The following FUCA2 variants were observed in gnomAD, a reference collection of about 807,000 sequenced individuals.
FUCA2 encodes alpha-L-fucosidase 2, also known as plasma alpha-L-fucosidase.
FUCA2 carries 41 observed loss-of-function variants against 52.6 expected under a neutral mutation model. That is an observed-to-expected ratio of 0.78 (90% confidence interval 0.61 to 1.01). The LOEUF is 1.01. FUCA2 is among the 50% of genes least tolerant of loss of function. The probability of loss-of-function intolerance (pLI) is 0.00; values close to 1 mark genes in which losing one functional copy is unlikely to be tolerated. For synonymous variants in FUCA2, 211 were observed against 217.3 expected, an observed-to-expected ratio of 0.97 and a Z score of 0.26; for missense variants, 507 against 569.5, an observed-to-expected ratio of 0.89 and a Z score of 1.12.
intron 6 of FUCA2, among the ~76,000 whole-genome samples, 193 bp from the exon 7 acceptor site, chr6:143,496,040 A>G (rs570469326): frequency 1.2e-4 from 19 of 152,204 alleles, no homozygotes; most frequent in African/African-American, 3.6e-4. Context: ...TCTTGCTTCT[A>G]TTTTACTCTC....
At position 143,502,122 on chromosome 6, in the gene FUCA2, G is replaced by A; in HGVS notation, c.964C>T (p.Gln322Ter). 1 of 1,586,554 alleles carries A rather than the reference G, an allele frequency of 6.3e-7. No homozygotes were observed. ...DYLTIEELVK[Q>*]LVETVSCGGN... ...CCACATGAAACTGTCTCTACAAGTT[G>A]CTAAAAAATTAAGAATAATGTTTTT... The change falls in exon 5 of 7, where the codon CAA (glutamine) becomes TAA (stop). Residue 322 changes from glutamine to a stop codon, truncating the protein, a stop_gained and splice_region_variant. Transcript: ENST00000002165. LOFTEE classifies it high-confidence loss of function. This position sits in a 1 kb window ranked among gnomAD's most constrained non-coding sequence, Gnocchi z 4.1.
rs1780450107 is a variant in FUCA2 at position 143,495,752 on chromosome 6, C to T, written c.1359G>A (p.Met453Ile). 3 of 1,614,116 alleles carry T rather than the reference C, an allele frequency of 1.9e-6. No individual in the cohort carries two copies. The highest frequency in any genetic ancestry group is 2.2e-5 in the East Asian group (1 of 44,876). The change falls in exon 7 of 7, where the codon ATG becomes ATA. Residue 453 changes from methionine (M) to isoleucine (I), a missense_variant. By Grantham distance (10) the Met-to-Ile change is conservative (BLOSUM62 1). Transcript: ENST00000002165. This position sits in a 1 kb window ranked among gnomAD's most constrained non-coding sequence, Gnocchi z 5.2. ...VELPQLTIHQMPCKWGWALAL... is the reference protein window; with the variant it reads ...VELPQLTIHQIPCKWGWALAL... ...CTAGAGCCCAGCCCCATTTACACGGCATCTGATGAATGGTTAGCTGTGGCA... is the reference window on the plus strand; with the variant it reads ...CTAGAGCCCAGCCCCATTTACACGGTATCTGATGAATGGTTAGCTGTGGCA...
rs777129921 is a variant in FUCA2, at chr6:143,495,872, A to T, written c.1264-25T>A. On this transcript the variant is annotated intron_variant, in intron 6 of 6. Transcript: ENST00000002165. The surrounding 1 kb of genome is among the most constrained non-coding windows in gnomAD (Gnocchi z 5.2). The stretch of plus-strand genomic sequence containing the variant: ...CCTGAAATTAAAAACATACATGCAA[A>T]TGTCTCCAAATTTATCTCTTTATCT... 1.9e-6 allele frequency: 3 copies of T among 1,609,602 alleles called. No homozygotes were observed. The African/African-American group carries it at 4.0e-5, about 22-fold the overall frequency.
rs1320858799 is a variant in FUCA2 at position 143,499,753 on chromosome 6, T to C, written c.1154+2179A>G. Among the ~76,000 whole-genome samples, 1 of 152,104 alleles carries C rather than the reference T, an allele frequency of 6.6e-6. No individual in the cohort carries two copies. The highest frequency in any genetic ancestry group is 1.5e-5 in the Non-Finnish European group (1 of 68,022). ...ACTGGAACTGGCAAGGCAGATGTTATTGTGGGCCTTGAGAAGAGCAATTCT... is the reference window on the plus strand; with the variant it reads ...ACTGGAACTGGCAAGGCAGATGTTACTGTGGGCCTTGAGAAGAGCAATTCT... On this transcript the variant is annotated intron_variant, in intron 5 of 6. Coordinates refer to ENST00000002165, the MANE Select transcript of FUCA2 (RefSeq NM_032020.5). The surrounding 1 kb of genome is among the most constrained non-coding windows in gnomAD (Gnocchi z 6.0).
Position 143,504,916 on chromosome 6 carries a change from A to C in FUCA2, c.413-664T>G, listed in dbSNP as rs911052608. On this transcript the variant is annotated intron_variant, in intron 2 of 6. Coordinates refer to ENST00000002165, the MANE Select transcript of FUCA2 (RefSeq NM_032020.5). This position sits in a 1 kb window ranked among gnomAD's most constrained non-coding sequence, Gnocchi z 4.4. ...ACTTTAAAATATACTCACCACGTGTAATCTCATCCTACTATAAAATCATAA... is the reference window on the plus strand; with the variant it reads ...ACTTTAAAATATACTCACCACGTGTCATCTCATCCTACTATAAAATCATAA... The C allele has an allele frequency of 1.3e-5, 2 of 152,214 alleles. No individual in the cohort carries two copies. The highest frequency in any genetic ancestry group is 1.5e-5 in the Non-Finnish European group (1 of 68,046). 9.4% of individuals were successfully genotyped at this position (152,214 alleles called of 1,614,324 possible).
chr6:143,506,146 C>T (rs1043828728), intron 2 of FUCA2: 13 of 150,888 alleles, frequency 8.6e-5, no homozygotes, highest in Non-Finnish European at 1.8e-4. Context: ...TTCTCCTCTC[C>T]TATTCCCATC....
Position 143,504,036 on chromosome 6 carries a change from A to C in FUCA2, c.629T>G (p.Leu210Trp), listed in dbSNP as rs1173817821. 3 of 1,614,150 alleles carry C rather than the reference A, an allele frequency of 1.9e-6. No homozygotes were observed. The highest frequency in any genetic ancestry group is 1.3e-5 in the African/African-American group (1 of 75,046). ...HKRQFPVSKTLPELYELVNNY... is the reference protein window; with the variant it reads ...HKRQFPVSKTWPELYELVNNY... ...GTTCACTAACTCATAGAGCTCTGGC[A>C]ATGTCTTAGAAACTGGAAATTGCCG... Residue 210 changes from leucine (L) to tryptophan (W), a missense_variant, in exon 3 of 7, where the codon TTG becomes TGG. Leu to Trp is a moderately conservative substitution (Grantham distance 61). Transcript: ENST00000002165. The surrounding 1 kb of genome is among the most constrained non-coding windows in gnomAD (Gnocchi z 4.4).
At position 143,500,779 on chromosome 6, in the gene FUCA2, G is replaced by A. The variant is rs1057416178; in HGVS notation, c.1154+1153C>T. Among the ~76,000 whole-genome samples, 4 of 152,132 alleles carry A rather than the reference G, an allele frequency of 2.6e-5. No homozygotes were observed. The highest frequency in any genetic ancestry group is 6.5e-5 in the Admixed American group (1 of 15,278). Reference sequence around the variant, plus strand: ...TAAGAATTATGTGAAGAGTAGTTCTGGGGACAGGGACAGCAAGCCAGGGCT... The same window carrying A: ...TAAGAATTATGTGAAGAGTAGTTCTAGGGACAGGGACAGCAAGCCAGGGCT... On this transcript the variant is annotated intron_variant, in intron 5 of 6. Coordinates refer to ENST00000002165, the MANE Select transcript of FUCA2 (RefSeq NM_032020.5). This position sits in a 1 kb window ranked among gnomAD's most constrained non-coding sequence, Gnocchi z 6.9.
In FUCA2 at chr6:143,504,184, T is replaced by C; in HGVS notation, c.481A>G (p.Ile161Val). Residue 161 changes from isoleucine to valine, a missense_variant, in exon 3 of 7, where the codon ATT becomes GTT. By Grantham distance (29) the Ile-to-Val change is conservative. Coordinates refer to ENST00000002165, the MANE Select transcript of FUCA2 (RefSeq NM_032020.5). The surrounding 1 kb of genome is among the most constrained non-coding windows in gnomAD (Gnocchi z 4.4). Reference sequence around the variant, plus strand: ...ATGGCTACCTCAAGTTCCTTGACAATGTCCCTCTTGGGCCCCTCATCTATG... The same window carrying C: ...ATGGCTACCTCAAGTTCCTTGACAACGTCCCTCTTGGGCCCCTCATCTATG... Reference protein sequence around the residue: ...NAIDEGPKRDIVKELEVAIRN... With the variant: ...NAIDEGPKRDVVKELEVAIRN... The C allele has an allele frequency of 6.2e-7, 1 of 1,614,220 alleles. No homozygotes were observed.
rs765109071 is a variant in FUCA2 at position 143,495,685 on chromosome 6, G to T, written c.*22C>A. 8.1e-6 allele frequency: 13 copies of T among 1,603,508 alleles called. No individual in the cohort carries two copies. Among genetic ancestry groups the T allele is most frequent in the Middle Eastern group, 1.7e-4 (1 of 6,016 alleles). ...TTCCTAGCCTTAGACATAACTTGCA[G>T]CATCAGCCACTCTGCTGCACTTTAG... On this transcript the variant is annotated 3_prime_UTR_variant, in exon 7 of 7. Transcript: ENST00000002165. This position sits in a 1 kb window ranked among gnomAD's most constrained non-coding sequence, Gnocchi z 5.2.
In FUCA2 at chr6:143,497,619, G is replaced by A. The variant is rs543571091; in HGVS notation, c.1155-122C>T. On this transcript the variant is annotated intron_variant, in intron 5 of 6. Coordinates refer to ENST00000002165, the MANE Select transcript of FUCA2 (RefSeq NM_032020.5). This position sits in a 1 kb window ranked among gnomAD's most constrained non-coding sequence, Gnocchi z 5.3. ...TACTTCCACAATGTCACCACTAATA[G>A]AAGGGAAGGAAAAATAGCCTCATGG... 181 of 572,436 alleles carry A rather than the reference G, an allele frequency of 3.2e-4. No individual in the cohort carries two copies. Among genetic ancestry groups the A allele is most frequent in the African/African-American group, 3.1e-3 (164 of 52,648 alleles). The allele number at this position is 572,436 out of a possible 1,614,324, so 35.5% of individuals were successfully genotyped here.
At position 143,507,533 on chromosome 6, in the gene FUCA2, C is replaced by A. The variant is rs1458590820; in HGVS notation, c.225-109G>T. On this transcript the variant is annotated intron_variant, in intron 1 of 6. Transcript: ENST00000002165. The surrounding 1 kb of genome is among the most constrained non-coding windows in gnomAD (Gnocchi z 4.5). ...CCCTCACACAGATAGGACCCAGATT[C>A]TCTTTCTCACTTCCCCATTAGTTTG... is the stretch of plus-strand genomic sequence containing the variant. The A allele has an allele frequency of 5.5e-6, 4 of 730,696 alleles. No individual in the cohort carries two copies. In the East Asian group the frequency reaches 8.9e-5, roughly 16 times the overall value. The allele number at this position is 730,696 out of a possible 1,614,324, so 45.3% of individuals were successfully genotyped here.
In FUCA2 at chr6:143,495,007, G is replaced by A. The variant is rs1001245711; in HGVS notation, c.*700C>T. 1 of 152,648 alleles carries A rather than the reference G, an allele frequency of 6.6e-6. No homozygotes were observed. Among genetic ancestry groups the A allele is most frequent in the Non-Finnish European group, 1.5e-5 (1 of 68,212 alleles). 9.5% of individuals were successfully genotyped at this position (152,648 alleles called of 1,614,324 possible). ...ATAAAGTCTGGCAGTGTTCAATAAT[G>A]TCCTAGGCCTTCACATTCACTCACT... is the stretch of plus-strand genomic sequence containing the variant. On this transcript the variant is annotated 3_prime_UTR_variant, in exon 7 of 7. Transcript: ENST00000002165. This position sits in a 1 kb window ranked among gnomAD's most constrained non-coding sequence, Gnocchi z 5.2.
At chr6:143,498,277 C>G (rs1780488599) in intron 5 of FUCA2, among the ~76,000 whole-genome samples, 1 of 56,060 alleles carries the variant, frequency 1.8e-5, no homozygotes, top group African/African-American at 8.6e-5. Flanking sequence ...CAACATTGAA[C>G]AAAGTCCTTG....
Position 143,504,040 on chromosome 6 carries a change from T to G in FUCA2, c.625A>C (p.Thr209Pro), listed in dbSNP as rs146459677. The part of the protein sequence containing the change: ...FHKRQFPVSK[T>P]LPELYELVNN... ...ACTAACTCATAGAGCTCTGGCAATG[T>G]CTTAGAAACTGGAAATTGCCGCTTA... The change falls in exon 3 of 7, where the codon ACA becomes CCA. Residue 209 changes from threonine (T) to proline (P), a missense_variant. Thr to Pro is a conservative substitution (Grantham distance 38). Coordinates refer to ENST00000002165, the MANE Select transcript of FUCA2 (RefSeq NM_032020.5). The surrounding 1 kb of genome is among the most constrained non-coding windows in gnomAD (Gnocchi z 4.4). 1.2e-6 allele frequency: 2 copies of G among 1,614,016 alleles called. No homozygotes were observed. The highest frequency in any genetic ancestry group is 1.7e-6 in the Non-Finnish European group (2 of 1,180,026).
Position 143,511,493 on chromosome 6 carries a change from C to G in FUCA2, c.142G>C (p.Ala48Pro). 1 of 1,604,576 alleles carries G rather than the reference C, an allele frequency of 6.2e-7. No individual in the cohort carries two copies. Among genetic ancestry groups the G allele is most frequent in the African/African-American group, 1.3e-5 (1 of 74,860 alleles). Reference sequence around the variant, plus strand: ...CCGAACTTGGCCTGGTCAAACCACGCGGGCAGCTGGCGGGCGTCCAGGGAC... The same window carrying G: ...CCGAACTTGGCCTGGTCAAACCACGGGGGCAGCTGGCGGGCGTCCAGGGAC... ...WESLDARQLP[A>P]WFDQAKFGIF... Residue 48 changes from alanine to proline, a missense_variant, in exon 1 of 7, where the codon GCG becomes CCG. Physicochemically the swap from Ala to Pro is conservative, Grantham distance 27. Transcript: ENST00000002165. The surrounding 1 kb of genome is among the most constrained non-coding windows in gnomAD (Gnocchi z 6.3).
chr6:143,504,091 G>C lies in FUCA2; in HGVS notation c.574C>G (p.Leu192Val). The change falls in exon 3 of 7, where the codon CTT becomes GTT. Residue 192 changes from leucine (L) to valine (V), a missense_variant. Physicochemically the swap from Leu to Val is conservative, Grantham distance 32. Coordinates refer to ENST00000002165, the MANE Select transcript of FUCA2 (RefSeq NM_032020.5). This position sits in a 1 kb window ranked among gnomAD's most constrained non-coding sequence, Gnocchi z 4.4. ...SLFEWFHPLF[L>V]EDESSSFHKR... ...TGGAATGAACTGGATTCATCCTCAA[G>C]GAAGAGCGGATGAAACCATTCAAAA... The C allele has an allele frequency of 1.9e-6, 3 of 1,614,178 alleles. No homozygotes were observed. The highest frequency in any genetic ancestry group is 2.5e-6 in the Non-Finnish European group (3 of 1,180,038).
chr6:143,508,496 G>A (rs1386079464), intron 1 of FUCA2, among the ~76,000 whole-genome samples: 4 of 152,226 alleles, frequency 2.6e-5, no homozygotes, highest in African/African-American at 9.7e-5. Flanking sequence ...TATGCGGCAG[G>A]CATGCTGTTT....
chr6:143,508,661 C>G (rs1185864385), intron 1 of FUCA2, among the ~76,000 whole-genome samples: 2 of 152,194 alleles, frequency 1.3e-5, no homozygotes, highest in East Asian at 3.8e-4. Context: ...CACTGGCCTT[C>G]CTGCCTTTGG....
Sources: gnomAD v4.1 joint callset for allele counts (sites outside exome capture counted in the v4.1 genomes callset) on GRCh38, gnomAD v4.1.1 for gene constraint, Gnocchi (gnomAD v3.1) non-coding constraint, MANE v1.5 for transcripts, NCBI Gene and HGNC (gene_info 2026-07-23, HGNC 2026-07-21) for gene names.